The following GIN1 variants were observed in gnomAD, a reference collection of about 807,000 sequenced individuals.
GIN1 encodes gypsy retrotransposon integrase 1.
A neutral mutation model predicts 51.4 loss-of-function variants in GIN1; 41 were observed. The observed-to-expected ratio is 0.80, with a 90% confidence interval of 0.62 to 1.04. The LOEUF (loss-of-function observed/expected upper bound fraction) is 1.04. Among genes scored for constraint, GIN1 ranks in the 50% least tolerant of loss-of-function variants. The pLI is 0.00. For synonymous variants in GIN1, 222 were observed against 206.5 expected (o/e 1.07, Z -0.64); for missense variants, 610 against 612.4 (o/e 1.00, Z 0.04).
chr5:103,109,577 A>G (rs1787817149), intron 1 of GIN1, among the ~76,000 whole-genome samples: 1 of 152,142 alleles, frequency 6.6e-6, no homozygotes, highest in South Asian at 2.1e-4. Flanking sequence ...TTCTTACCTT[A>G]GGTTAACATA....
At chr5:103,108,853 T>C (rs1787799381) in intron 1 of GIN1, 139 bp from the exon 2 acceptor site, 2 of 624,000 alleles carry the variant, frequency 3.2e-6, no homozygotes, top group Non-Finnish European at 5.5e-6. Context: ...ATAATTGCAG[T>C]ACAGGAAAGG....
At chr5:103,095,922 T>TCAAA (rs557574757) in intron 7 of GIN1, among the ~76,000 whole-genome samples, 49 of 152,186 alleles carry the variant, frequency 3.2e-4, no homozygotes, top group Admixed American at 1.7e-3. Flanking sequence ...AGACTCTGTC[T>TCAAA]CAAACAAACA....
At chr5:103,106,679 G>T in intron 3 of GIN1, 37 bp downstream of exon 3, 3 of 1,172,494 alleles carry the variant, frequency 2.6e-6, no homozygotes, top group Non-Finnish European at 3.6e-6. Context: ...CTATCAGAAA[G>T]ACATTATTCA....
At chr5:103,101,097 A>G (rs1395995348) in intron 4 of GIN1, among the ~76,000 whole-genome samples, 1 of 152,206 alleles carries the variant, frequency 6.6e-6, no homozygotes, top group African/African-American at 2.4e-5. Context: ...GTTAACAACT[A>G]AAAATAAAAT....
intron 1 of GIN1, among the ~76,000 whole-genome samples, chr5:103,118,385 T>C (rs1554197662): frequency 6.6e-6 from 1 of 152,178 alleles, no homozygotes; most frequent in Non-Finnish European, 1.5e-5. Flanking sequence ...ATCATCCATA[T>C]CAGGCTGTTT....
chr5:103,098,226 C>CATAAAATATGTAAAATTTTATGT (rs1787464157), intron 4 of GIN1, among the ~76,000 whole-genome samples: 1 of 152,046 alleles, frequency 6.6e-6, no homozygotes, highest in African/African-American at 2.4e-5. Flanking sequence ...TGAACACATA[C>CATAAAATATGTAAAATTTTATGT]ATAAAATATG....
intron 4 of GIN1, among the ~76,000 whole-genome samples, chr5:103,101,379 C>T (rs782179523): frequency 2.6e-5 from 4 of 152,176 alleles, no homozygotes; most frequent in Non-Finnish European, 5.9e-5. Context: ...ACTTTTAAAT[C>T]ATTTATTTCT....
intron 7 of GIN1, among the ~76,000 whole-genome samples, chr5:103,096,283 T>G (rs1054862897): frequency 1.3e-5 from 2 of 151,952 alleles, no homozygotes; most frequent in African/African-American, 4.8e-5. Context: ...GAGGTTGCAG[T>G]GAGCCAAGAT....
In GIN1 at chr5:103,093,094, T is replaced by C. The variant is rs371367590; in HGVS notation, c.1294+3447A>G. ...AGGGACTGTGCTTTGCTTTGTTTCA[T>C]GAATGCAGACCATAATTGTGGTAGG... On this transcript the variant is annotated intron_variant, in intron 7 of 7. Coordinates refer to ENST00000399004, the MANE Select transcript of GIN1 (RefSeq NM_017676.2). Among the ~76,000 whole-genome samples, 476 of 152,198 alleles carry C rather than the reference T, an allele frequency of 3.1e-3. 3 individuals carry two copies. Among genetic ancestry groups the C allele is most frequent in the Admixed American group, 7.5e-3 (115 of 15,288 alleles).
chr5:103,097,455 A>G lies in GIN1; in HGVS notation c.867T>C (p.Phe289=), dbSNP rs1787437121. The G allele has an allele frequency of 6.4e-7, 1 of 1,571,586 alleles. No homozygotes were observed. Among genetic ancestry groups the G allele is most frequent in the Non-Finnish European group, 8.7e-7 (1 of 1,145,996 alleles). Reference sequence around the variant, plus strand: ...TCTCAGGCATATAAGGATTTCGACTAAACATTTGAAAATATGGTGTATTTT... The same window carrying G: ...TCTCAGGCATATAAGGATTTCGACTGAACATTTGAAAATATGGTGTATTTT... The part of the protein sequence containing the change: ...PTKNTPYFQM[F]SRNPYMPETS... The change falls in exon 6 of 8, where the codon TTT becomes TTC. Residue 289 remains phenylalanine (F), a synonymous_variant. Transcript: ENST00000399004.
At chr5:103,103,542 T>A (rs565761875) in intron 4 of GIN1, among the ~76,000 whole-genome samples, 3 of 152,356 alleles carry the variant, frequency 2.0e-5, no homozygotes, top group Non-Finnish European at 4.4e-5. Flanking sequence ...CTCTGATTTT[T>A]CTTAAACATA....
chr5:103,094,795 G>C (rs1337992619), intron 7 of GIN1, among the ~76,000 whole-genome samples: 1 of 152,136 alleles, frequency 6.6e-6, no homozygotes, highest in Non-Finnish European at 1.5e-5. Context: ...TTGCAGAAGA[G>C]AGAGATCATT....
rs575574226 is a variant in GIN1, at chr5:103,098,050, T to C, written c.640-269A>G. Among the ~76,000 whole-genome samples the C allele has an allele frequency of 1.3e-4, 20 of 152,170 alleles. No individual in the cohort carries two copies. In the South Asian group the frequency reaches 4.2e-3, roughly 32 times the overall value. ...GGTGTGCGCCACCACACCCGGCTAATTTTCGTATTTCTAGTAGAGACGGGG... is the reference window on the plus strand; with the variant it reads ...GGTGTGCGCCACCACACCCGGCTAACTTTCGTATTTCTAGTAGAGACGGGG... On this transcript the variant is annotated intron_variant, in intron 4 of 7. Transcript: ENST00000399004.
At chr5:103,110,339 A>G (rs781823118) in intron 1 of GIN1, among the ~76,000 whole-genome samples, 4 of 152,172 alleles carry the variant, frequency 2.6e-5, no homozygotes, top group African/African-American at 4.8e-5. Flanking sequence ...TGTAATACAT[A>G]TATCTAACAA....
At chr5:103,103,643 T>C (rs1787637911) in intron 4 of GIN1, among the ~76,000 whole-genome samples, 1 of 152,196 alleles carries the variant, frequency 6.6e-6, no homozygotes, top group Non-Finnish European at 1.5e-5. Flanking sequence ...TATTCTCCCC[T>C]GCTTATCCTT....
rs112235973 is a variant in GIN1 at position 103,095,734 on chromosome 5, C to T, written c.1294+807G>A. ...GCCAAGAGTTCAAAACCAGCCTGGC[C>T]AACATGGTGAAACCTCATCTCTACC... On this transcript the variant is annotated intron_variant, in intron 7 of 7. Transcript: ENST00000399004. Among the ~76,000 whole-genome samples, 887 of 152,104 alleles carry T rather than the reference C, an allele frequency of 5.8e-3. 6 individuals carry two copies. Among genetic ancestry groups the T allele is most frequent in the African/African-American group, 0.02 (850 of 41,494 alleles).
rs1447742899 is a variant in GIN1 at position 103,089,325 on chromosome 5, C to T, written c.1295-1153G>A. Among the ~76,000 whole-genome samples the T allele has an allele frequency of 3.3e-5, 5 of 152,150 alleles. No homozygotes were observed. The East Asian group carries it at 9.6e-4, about 29-fold the overall frequency. ...TTTGAATTCATTACAATAAGAAACT[C>T]TTTTACCAAAGCTGATTAACTTCCT... On this transcript the variant is annotated intron_variant, in intron 7 of 7. Transcript: ENST00000399004.
chr5:103,117,342 T>C (rs1429076278), intron 1 of GIN1, among the ~76,000 whole-genome samples: 2 of 148,858 alleles, frequency 1.3e-5, no homozygotes, highest in African/African-American at 2.5e-5. Context: ...GCCAAAAGTA[T>C]AGGAAGAGGA....
Position 103,088,053 on chromosome 5 carries a change from C to T in GIN1, c.1414G>A (p.Val472Ile). The T allele has an allele frequency of 6.2e-7, 1 of 1,611,170 alleles. No homozygotes were observed. The highest frequency in any genetic ancestry group is 8.5e-7 in the Non-Finnish European group (1 of 1,177,528). Residue 472 changes from valine (V) to isoleucine (I), a missense_variant, in exon 8 of 8, where the codon GTC (valine) becomes ATC (isoleucine). Transcript: ENST00000399004. ...ILVEDATIGI[V>I]DNELLTSSKD... The stretch of plus-strand genomic sequence containing the variant: ...CTTGATGTCAGTAATTCATTATCGA[C>T]TATACCAATAGTTGCATCTTCCACC...
Sources: allele counts gnomAD v4.1 joint callset (sites outside exome capture counted in the v4.1 genomes callset), GRCh38; gene constraint gnomAD v4.1.1; transcripts MANE v1.5; gene names NCBI Gene and HGNC (gene_info 2026-07-23, HGNC 2026-07-21).